Variants in PRMT3 observed in about 807,000 individuals in gnomAD.
PRMT3 encodes the protein protein arginine N-methyltransferase 3.
Under a neutral mutation model 71.9 loss-of-function variants are expected in PRMT3, and 62 were observed. That is an observed-to-expected ratio of 0.86 (90% confidence interval 0.70 to 1.07). The LOEUF is 1.07. PRMT3 is among the 50% of genes least tolerant of loss of function. The pLI is 0.00. For synonymous variants in PRMT3, 213 were observed against 220.4 expected, an observed-to-expected ratio of 0.97 and a Z score of 0.30; for missense variants, 663 against 643.0, an observed-to-expected ratio of 1.03 and a Z score of -0.34.
At chr11:20,494,007 A>G in intron 14 of PRMT3, 38 bp downstream of exon 14, 1 of 1,499,650 alleles carries the variant, frequency 6.7e-7, no homozygotes, top group South Asian at 1.2e-5. Context: ...ATTAATTATT[A>G]CAGAAGTACA....
chr11:20,455,317 A>T (rs1002761959), intron 11 of PRMT3, among the ~76,000 whole-genome samples: 12 of 152,092 alleles, frequency 7.9e-5, no homozygotes, highest in Admixed American at 7.2e-4. Context: ...CTTTATCTTT[A>T]ATAATAGAAA....
chr11:20,422,499 T>A (rs768380607), intron 9 of PRMT3, among the ~76,000 whole-genome samples: 3 of 152,162 alleles, frequency 2.0e-5, no homozygotes, highest in Non-Finnish European at 2.9e-5. Flanking sequence ...AGACTGACAT[T>A]TATTAGAAAC....
intron 13 of PRMT3, among the ~76,000 whole-genome samples, chr11:20,484,729 G>A (rs558448162): frequency 6.6e-6 from 1 of 152,234 alleles, no homozygotes; most frequent in Admixed American, 6.5e-5. Context: ...TATCATACAG[G>A]TAGGGGGCCT....
intron 8 of PRMT3, among the ~76,000 whole-genome samples, chr11:20,405,057 A>G (rs1027205734): frequency 6.6e-6 from 1 of 152,130 alleles, no homozygotes. Context: ...TATTTTTATT[A>G]AAAATGTTTT....
chr11:20,488,332 A>G (rs1482905608), intron 13 of PRMT3, among the ~76,000 whole-genome samples: 1 of 152,134 alleles, frequency 6.6e-6, no homozygotes, highest in Non-Finnish European at 1.5e-5. Flanking sequence ...TTTATATATG[A>G]TGATCTAAGC....
At chr11:20,478,651 A>G (rs1323402991) in intron 13 of PRMT3, among the ~76,000 whole-genome samples, 2 of 152,194 alleles carry the variant, frequency 1.3e-5, no homozygotes. Context: ...GGCTAATGCA[A>G]TTGCTATTAA....
At chr11:20,440,489 CAAAAAAAA>C (rs55801324) in intron 10 of PRMT3, among the ~76,000 whole-genome samples, 14,877 of 116,070 alleles carry the variant, frequency 0.13, 643 homozygotes, top group Middle Eastern at 0.24. Context: ...ACTAAAAATA[CAAAAAAAA>C]AAAAAAAAAA....
At chr11:20,448,558 A>G (rs1850081404) in intron 10 of PRMT3, among the ~76,000 whole-genome samples, 1 of 151,788 alleles carries the variant, frequency 6.6e-6, no homozygotes, top group African/African-American at 2.4e-5. Context: ...TTGTAACTCT[A>G]CCTTGTCTTA....
At chr11:20,451,263 C>T (rs1460925927) in intron 10 of PRMT3, among the ~76,000 whole-genome samples, 1 of 151,662 alleles carries the variant, frequency 6.6e-6, no homozygotes, top group Non-Finnish European at 1.5e-5. Context: ...AATTTTATTT[C>T]CATGAACACT....
chr11:20,408,102 C>G (rs1239244554), intron 9 of PRMT3, 70 bp downstream of exon 9: 1 of 1,151,518 alleles, frequency 8.7e-7, no homozygotes, highest in East Asian at 2.8e-5. Flanking sequence ...ATTTTCTTGT[C>G]TTTAGTAGCT....
At chr11:20,406,467 T>C (rs960366751) in intron 8 of PRMT3, 2 of 152,350 alleles carry the variant, frequency 1.3e-5, no homozygotes, top group East Asian at 3.9e-4. Flanking sequence ...TTACAGCGAA[T>C]GTCAGAATTT....
rs545503792 is a variant in PRMT3, at chr11:20,393,179, C to T, written c.400+180C>T. ...AAAACTAATAGTCGGCCAGGTGTGG[C>T]GGCTCACGCCTGTAATCCCAACACT... On this transcript the variant is annotated intron_variant, in intron 5 of 15. Transcript: ENST00000331079. Among the ~76,000 whole-genome samples the T allele has an allele frequency of 1.3e-4, 20 of 152,260 alleles. No homozygotes were observed. In the South Asian group the frequency reaches 3.3e-3, roughly 25 times the overall value.
At chr11:20,400,702 A>G (rs955928139) in intron 7 of PRMT3, among the ~76,000 whole-genome samples, 1 of 152,114 alleles carries the variant, frequency 6.6e-6, no homozygotes, top group Non-Finnish European at 1.5e-5. Context: ...TGTAGTATAT[A>G]ACTTTTTTCT....
intron 10 of PRMT3, among the ~76,000 whole-genome samples, chr11:20,428,769 A>G (rs1333520594): frequency 6.6e-6 from 1 of 152,208 alleles, no homozygotes; most frequent in Non-Finnish European, 1.5e-5. Flanking sequence ...GGGAAACACT[A>G]GAAACACTAA....
chr11:20,441,877 C>A (rs1186750427), intron 10 of PRMT3, among the ~76,000 whole-genome samples: 1 of 147,828 alleles, frequency 6.8e-6, no homozygotes, highest in African/African-American at 2.5e-5. Flanking sequence ...ACTGTAACCT[C>A]TGCCCCCCAG....
At chr11:20,468,893 C>G (rs571410592) in intron 13 of PRMT3, among the ~76,000 whole-genome samples, 1 of 152,302 alleles carries the variant, frequency 6.6e-6, no homozygotes, top group Admixed American at 6.5e-5. Context: ...CAAATACACA[C>G]ATCCCCATAT....
chr11:20,412,071 C>T (rs1025691677), intron 9 of PRMT3, among the ~76,000 whole-genome samples: 4 of 152,142 alleles, frequency 2.6e-5, no homozygotes, highest in African/African-American at 9.7e-5. Context: ...TATTATCTCA[C>T]AGTTTTTAGT....
chr11:20,395,088 T>G (rs1565192299), intron 5 of PRMT3, among the ~76,000 whole-genome samples: 1 of 152,150 alleles, frequency 6.6e-6, no homozygotes, highest in Non-Finnish European at 1.5e-5. Context: ...TTTCCTTGCC[T>G]AAAATAGGGA....
intron 15 of PRMT3, among the ~76,000 whole-genome samples, chr11:20,504,707 T>TGTGTGAGAGAGAGAGAGAGAGAGAGAGA (rs1332372470): frequency 1.5e-5 from 2 of 133,588 alleles, no homozygotes; most frequent in African/African-American, 6.1e-5. Flanking sequence ...TGTGTGTGTG[T>TGTGTGAGAGAGAGAGAGAGAGAGAGAGA]GAGAGAGAGA....
Sources: allele counts gnomAD v4.1 joint callset (sites outside exome capture counted in the v4.1 genomes callset), GRCh38; gene constraint gnomAD v4.1.1; transcripts MANE v1.5; gene names NCBI Gene and HGNC (gene_info 2026-07-23, HGNC 2026-07-21).